The following LTA4H variants were observed in gnomAD, a reference collection of about 807,000 sequenced individuals.
LTA4H encodes the protein leukotriene A4 hydrolase.
In LTA4H, 59 loss-of-function variants were observed where a neutral mutation model predicts 89.8. The observed-to-expected ratio is 0.66, with a 90% CI of 0.53 to 0.82. The LOEUF (loss-of-function observed/expected upper bound fraction) is 0.82. Ranked by LOEUF, LTA4H falls within the 40% of genes least tolerant of loss-of-function variation. LTA4H has a pLI of 0.00. For missense variants in LTA4H, 617 were observed against 727.0 expected, an observed-to-expected ratio of 0.85 and a Z score of 1.74; for synonymous variants, 227 against 253.1, an observed-to-expected ratio of 0.90 and a Z score of 0.98.
Position 96,017,114 on chromosome 12 carries a change from C to A in LTA4H, c.877G>T (p.Val293Phe). 6.2e-7 allele frequency: 1 copy of A among 1,602,882 alleles called. No homozygotes were observed. Among genetic ancestry groups the A allele is most frequent in the Non-Finnish European group, 8.5e-7 (1 of 1,170,028 alleles). The change falls in exon 10 of 19, where the codon GTC becomes TTC. Residue 293 changes from valine to phenylalanine, a missense_variant and splice_region_variant. By Grantham distance (50) the Val-to-Phe change is conservative. Transcript: ENST00000228740. ...LLAGDKSLSN[V>F]IAHEISHSWT... ...CTATGAGATATTTCATGTGCAATGA[C>A]CTAAAGAAAACAGTGTGATTAATAG...
chr12:96,004,839 T>C (rs755342102), intron 16 of LTA4H, among the ~76,000 whole-genome samples: 2 of 152,160 alleles, frequency 1.3e-5, no homozygotes, highest in Non-Finnish European at 2.9e-5. Flanking sequence ...TGACTTGCCC[T>C]AAGTTTTGCT....
At position 96,009,403 on chromosome 12, in the gene LTA4H, A is replaced by G. The variant is rs1950259756; in HGVS notation, c.1380-255T>C. Reference sequence around the variant, plus strand: ...GAAAGAATGCCAAAGCACCTCAGCAAAAGACTGTCATGTGCTCGAGTAGTA... The same window carrying G: ...GAAAGAATGCCAAAGCACCTCAGCAGAAGACTGTCATGTGCTCGAGTAGTA... On this transcript the variant is annotated intron_variant, in intron 14 of 18. Coordinates refer to ENST00000228740, the MANE Select transcript of LTA4H (RefSeq NM_000895.3). 10 of 479,470 alleles carry G rather than the reference A, an allele frequency of 2.1e-5. No individual in the cohort carries two copies. In the South Asian group the frequency reaches 2.4e-4, roughly 11 times the overall value. The allele number at this position is 479,470 out of a possible 1,614,324, so 29.7% of individuals were successfully genotyped here.
At chr12:96,015,023 AG>A (rs1566008180) in intron 11 of LTA4H, 24 bp from the exon 12 acceptor site, 1 of 1,602,258 alleles carries the variant, frequency 6.2e-7, no homozygotes, top group South Asian at 1.1e-5. Flanking sequence ...AATAACATGG[AG>A]AAACATATAG....
intron 1 of LTA4H, among the ~76,000 whole-genome samples, chr12:96,031,119 T>G (rs1950566789): frequency 6.6e-6 from 1 of 152,218 alleles, no homozygotes; most frequent in Admixed American, 6.5e-5. Flanking sequence ...TGTGAAACGT[T>G]TTGATATCCC....
In LTA4H at chr12:96,016,298, C is replaced by CAA. The variant is rs762615863; in HGVS notation, c.948-606_948-605dup. On this transcript the variant is annotated intron_variant, in intron 10 of 18. Coordinates refer to ENST00000228740, the MANE Select transcript of LTA4H (RefSeq NM_000895.3). ...TGGGCGACAGAGTGAGACTCCATCT[C>CAA]AAAAAAAAAAAAAAAAAAAAAATCC... 7.7e-3 allele frequency among the ~76,000 whole-genome samples: 424 copies of CAA among 55,376 alleles called. 3 individuals carry two copies. Among genetic ancestry groups the CAA allele is most frequent in the African/African-American group, 0.022 (309 of 14,116 alleles). 36.3% of individuals were successfully genotyped at this position (55,376 alleles called of 152,430 possible). A position where few individuals can be genotyped will look rare whatever the true frequency, so the allele number is the denominator to read the frequency against.
In LTA4H at chr12:96,042,918, T is replaced by A. The variant is rs575761942; in HGVS notation, c.87+371A>T. Among the ~76,000 whole-genome samples, 12 of 152,294 alleles carry A rather than the reference T, an allele frequency of 7.9e-5. 1 individual carries two copies. In the South Asian group the frequency reaches 2.5e-3, roughly 32 times the overall value. On this transcript the variant is annotated intron_variant, in intron 1 of 17. Coordinates refer to the LTA4H transcript ENST00000413268. ...GCTAAATCAAACTTATTTCTATATA[T>A]TGGTCCACAGCAATGTTCATGATTG...
chr12:96,029,106 T>C lies in LTA4H; in HGVS notation c.239A>G (p.Gln80Arg), dbSNP rs1428981065. 1.3e-6 allele frequency: 2 copies of C among 1,596,252 alleles called. No homozygotes were observed. Among genetic ancestry groups the C allele is most frequent in the South Asian group, 2.3e-5 (2 of 87,812 alleles). ...TTCCATTGGCGATCCCTTGTAACTT[T>C]GTCTTTCTCCAAGAGCATATTTGAC... is the stretch of plus-strand genomic sequence containing the variant. ...QEVKYALGER[Q>R]SYKGSPMEIS... Residue 80 changes from glutamine (Q) to arginine (R), a missense_variant, in exon 2 of 19, where the codon CAA (glutamine) becomes CGA (arginine). Coordinates refer to ENST00000228740, the MANE Select transcript of LTA4H (RefSeq NM_000895.3).
chr12:96,042,771 A>C (rs1345487306), intron 1 of LTA4H, among the ~76,000 whole-genome samples: 1 of 152,190 alleles, frequency 6.6e-6, no homozygotes, highest in Admixed American at 6.5e-5. Flanking sequence ...CCGGTTACAG[A>C]AATAAAAACT....
chr12:96,003,923 A>G lies in LTA4H; in HGVS notation c.1531-3T>C, dbSNP rs775556177. The G allele has an allele frequency of 2.0e-5, 32 of 1,595,920 alleles. No homozygotes were observed. Among genetic ancestry groups the G allele is most frequent in the Non-Finnish European group, 2.7e-5 (31 of 1,167,258 alleles). ...ATGTGCCCCAATGGAAGAGGTGCCT[A>G]AGAGCAAAATAAAGAAGTATACCGT... On this transcript the variant is annotated splice_region_variant and splice_polypyrimidine_tract_variant and intron_variant, in intron 16 of 18. Transcript: ENST00000228740.
chr12:96,005,922 A>G (rs2136860460), intron 16 of LTA4H, among the ~76,000 whole-genome samples: 1 of 151,870 alleles, frequency 6.6e-6, no homozygotes, highest in East Asian at 1.9e-4. Context: ...TAATTTTTAT[A>G]TTTTTAGTAG....
intron 15 of LTA4H, among the ~76,000 whole-genome samples, chr12:96,008,139 G>A (rs1950233461): frequency 6.6e-6 from 1 of 152,142 alleles, no homozygotes; most frequent in Admixed American, 6.5e-5. Context: ...CCAAACCTTA[G>A]CATCACACAA....
intron 11 of LTA4H, chr12:96,015,317 G>A: frequency 2.0e-6 from 1 of 507,874 alleles, no homozygotes; most frequent in Non-Finnish European, 3.4e-6. Flanking sequence ...TACCAAATAA[G>A]ATGCAAACAT....
At chr12:96,021,991 T>C (rs1592889436) in intron 5 of LTA4H, among the ~76,000 whole-genome samples, 156 bp downstream of exon 5, 1 of 151,590 alleles carries the variant, frequency 6.6e-6, no homozygotes. Flanking sequence ...CAAAACCCTT[T>C]AAAAGCACAA....
chr12:96,043,402 CAGG>C (rs1467158924), exon 1 of LTA4H: 15 of 1,423,164 alleles, frequency 1.1e-5, no homozygotes, highest in Non-Finnish European at 5.7e-6. Context: ...GAGGTGTAGA[CAGG>C]AGGAGAGAAA....
At chr12:96,023,388 T>A (rs1216833243) in intron 4 of LTA4H, among the ~76,000 whole-genome samples, 1 of 152,222 alleles carries the variant, frequency 6.6e-6, no homozygotes, top group Non-Finnish European at 1.5e-5. Flanking sequence ...TCATTATTTA[T>A]TTATTTTTTT....
chr12:96,006,362 A>C lies in LTA4H; in HGVS notation c.1482T>G (p.Asp494Glu), dbSNP rs1418213281. 1.2e-6 allele frequency: 2 copies of C among 1,612,182 alleles called. No homozygotes were observed. Among genetic ancestry groups the C allele is most frequent in the Admixed American group, 1.7e-5 (1 of 59,972 alleles). ...ACTCATTCAATTGATGAGAAGAGAGATCCTTCAGGTCTGTGGCATTGAATG... is the reference window on the plus strand; with the variant it reads ...ACTCATTCAATTGATGAGAAGAGAGCTCCTTCAGGTCTGTGGCATTGAATG... The part of the protein sequence containing the change: ...LNSFNATDLK[D>E]LSSHQLNEFL... Residue 494 changes from aspartate (D) to glutamate (E), a missense_variant, in exon 16 of 19, where the codon GAT (aspartate) becomes GAG (glutamate). By Grantham distance (45) the Asp-to-Glu change is conservative. Transcript: ENST00000228740.
intron 3 of LTA4H, among the ~76,000 whole-genome samples, chr12:96,026,504 T>C (rs1028839919): frequency 2.0e-5 from 3 of 152,218 alleles, no homozygotes; most frequent in Non-Finnish European, 2.9e-5. Flanking sequence ...GAAAATCAGA[T>C]ATTTATGAGA....
intron 18 of LTA4H, among the ~76,000 whole-genome samples, chr12:96,001,377 G>C (rs1950099979): frequency 6.6e-6 from 1 of 152,118 alleles, no homozygotes; most frequent in African/African-American, 2.4e-5. Context: ...TTCTGTACCA[G>C]AGACTGGCCT....
intron 3 of LTA4H, among the ~76,000 whole-genome samples, chr12:96,025,115 T>C (rs1015693902): frequency 6.6e-6 from 1 of 152,182 alleles, no homozygotes; most frequent in African/African-American, 2.4e-5. Flanking sequence ...TGGGTGACAG[T>C]AGTGCCCAGT....
Sources: gnomAD v4.1 joint callset for allele counts (sites outside exome capture counted in the v4.1 genomes callset) on GRCh38, gnomAD v4.1.1 for gene constraint, MANE v1.5 for transcripts, NCBI Gene and HGNC (gene_info 2026-07-23, HGNC 2026-07-21) for gene names.